Variants in PEBP4 observed in about 807,000 individuals in gnomAD.
PEBP4 encodes phosphatidylethanolamine binding protein 4.
PEBP4 carries 22 observed loss-of-function variants against 23.9 expected under a neutral mutation model. The observed-to-expected ratio is 0.92, with a 90% CI of 0.66 to 1.31. The LOEUF is 1.31. Among genes scored for constraint, PEBP4 ranks in the 40% most tolerant of loss-of-function variants. PEBP4 has a pLI of 0.00. For missense variants in PEBP4, 324 were observed against 281.7 expected (o/e 1.15, Z -1.07); for synonymous variants, 112 against 99.3 (o/e 1.13, Z -0.76).
At chr8:22,792,705 G>A (rs1304507160) in intron 4 of PEBP4, among the ~76,000 whole-genome samples, 1 of 152,128 alleles carries the variant, frequency 6.6e-6, no homozygotes, top group Non-Finnish European at 1.5e-5. Context: ...GATGTGGAAA[G>A]GAAGGACCCT....
At chr8:22,750,621 G>A (rs766407348) in intron 4 of PEBP4, among the ~76,000 whole-genome samples, 8 of 152,276 alleles carry the variant, frequency 5.3e-5, no homozygotes, top group East Asian at 3.9e-4. Context: ...GGAATATCCC[G>A]TGGGAGTTTG....
chr8:22,824,998 G>A (rs1051719333), intron 3 of PEBP4, among the ~76,000 whole-genome samples: 2 of 152,192 alleles, frequency 1.3e-5, no homozygotes, highest in African/African-American at 4.8e-5. Context: ...GTCATATCCT[G>A]AGGTTTACCC....
At chr8:22,760,826 T>C (rs1805492749) in intron 4 of PEBP4, among the ~76,000 whole-genome samples, 1 of 152,166 alleles carries the variant, frequency 6.6e-6, no homozygotes, top group Admixed American at 6.5e-5. Context: ...TCAGTCCTCG[T>C]AGGATGAACT....
At chr8:22,831,128 C>A (rs1445338323) in intron 3 of PEBP4, among the ~76,000 whole-genome samples, 6 of 152,224 alleles carry the variant, frequency 3.9e-5, no homozygotes, top group Non-Finnish European at 8.8e-5. Context: ...GTCTAGAACA[C>A]CCCATCCCTG....
chr8:22,737,934 C>T (rs375879380), intron 4 of PEBP4, among the ~76,000 whole-genome samples: 106 of 152,210 alleles, frequency 7.0e-4, no homozygotes, highest in African/African-American at 2.3e-3. Flanking sequence ...GGGAAAGGCT[C>T]GGTGGTTGCC....
intron 4 of PEBP4, among the ~76,000 whole-genome samples, chr8:22,742,256 G>A (rs929539960): frequency 6.6e-6 from 1 of 152,240 alleles, no homozygotes; most frequent in African/African-American, 2.4e-5. Flanking sequence ...GAATGCAAAC[G>A]ACAGCTGATT....
chr8:22,913,038 A>G (rs1363582078), intron 3 of PEBP4, among the ~76,000 whole-genome samples: 1 of 151,838 alleles, frequency 6.6e-6, no homozygotes, highest in Non-Finnish European at 1.5e-5. Context: ...GGAAAGTCCA[A>G]CTCTTCTTTT....
intron 3 of PEBP4, among the ~76,000 whole-genome samples, chr8:22,907,061 AAGG>A (rs1301095882): frequency 2.0e-5 from 3 of 152,166 alleles, no homozygotes; most frequent in African/African-American, 7.2e-5. Flanking sequence ...CAAAGATTTG[AAGG>A]AGAAGAAGAC....
chr8:22,842,284 C>G lies in PEBP4; in HGVS notation c.259-24549G>C, dbSNP rs746644089. On this transcript the variant is annotated intron_variant, in intron 3 of 6. Transcript: ENST00000256404. ...ATTCACAGTGGATTCTTGGGTAGATCGTGACTTTTAGGAGGGGATCCCTAA... is the reference window on the plus strand; with the variant it reads ...ATTCACAGTGGATTCTTGGGTAGATGGTGACTTTTAGGAGGGGATCCCTAA... Among the ~76,000 whole-genome samples the G allele has an allele frequency of 7.9e-5, 12 of 152,088 alleles. 1 individual carries two copies. The highest frequency in any genetic ancestry group is 5.2e-4 in the Admixed American group (8 of 15,280).
intron 3 of PEBP4, among the ~76,000 whole-genome samples, chr8:22,918,083 T>G (rs1302011172): frequency 6.6e-6 from 1 of 152,200 alleles, no homozygotes; most frequent in East Asian, 1.9e-4. Flanking sequence ...CACATGCCAT[T>G]AATAGTCTTG....
At chr8:22,909,032 C>T (rs1585337846) in intron 3 of PEBP4, among the ~76,000 whole-genome samples, 1 of 152,298 alleles carries the variant, frequency 6.6e-6, no homozygotes, top group African/African-American at 2.4e-5. Context: ...TGAACCCACC[C>T]GACCCAAATC....
intron 4 of PEBP4, among the ~76,000 whole-genome samples, chr8:22,765,527 C>T (rs1360704716): frequency 6.6e-6 from 1 of 152,202 alleles, no homozygotes; most frequent in South Asian, 2.1e-4. Flanking sequence ...CTGTAACCAC[C>T]TGGGAGGGAC....
intron 4 of PEBP4, among the ~76,000 whole-genome samples, chr8:22,742,761 G>A (rs1805023779): frequency 6.6e-6 from 1 of 152,180 alleles, no homozygotes; most frequent in Non-Finnish European, 1.5e-5. Flanking sequence ...TTGAGGCTAC[G>A]AGAGAGTCCC....
At chr8:22,808,983 G>A (rs1051926449) in intron 4 of PEBP4, among the ~76,000 whole-genome samples, 3 of 152,120 alleles carry the variant, frequency 2.0e-5, no homozygotes, top group Non-Finnish European at 4.4e-5. Flanking sequence ...TCTTTAAAGC[G>A]ATAACCACAC....
intron 4 of PEBP4, among the ~76,000 whole-genome samples, chr8:22,795,145 A>G (rs4872022): frequency 1.3e-3 from 37 of 28,010 alleles, no homozygotes; most frequent in South Asian, 0.011. Context: ...GTGTGTGTGT[A>G]TATATATATA....
chr8:22,815,338 G>A (rs185898108), intron 4 of PEBP4, among the ~76,000 whole-genome samples: 21 of 152,320 alleles, frequency 1.4e-4, no homozygotes, highest in Admixed American at 9.1e-4. Flanking sequence ...GAAGTTCTGC[G>A]GGTGGGGTAG....
At position 22,865,216 on chromosome 8, in the gene PEBP4, T is replaced by TG. The variant is rs1807861744; in HGVS notation, c.259-47482dup. On this transcript the variant is annotated intron_variant, in intron 3 of 6. Transcript: ENST00000256404. This position sits in a 1 kb window ranked among gnomAD's most constrained non-coding sequence, Gnocchi z 6.9. ...ACTCAATGCCATTTCTGAAACAGCC[T>TG]GGGGGGCGGCGGGAGGGGGAGGGAA... Among the ~76,000 whole-genome samples the TG allele has an allele frequency of 5.5e-5, 4 of 72,870 alleles. No homozygotes were observed. The Admixed American group carries it at 6.2e-4, about 11-fold the overall frequency. The allele number at this position is 72,870 out of a possible 152,430, so 47.8% of individuals were successfully genotyped here.
intron 2 of PEBP4, among the ~76,000 whole-genome samples, chr8:22,926,339 TTTGTTG>T (rs762590447): frequency 7.9e-5 from 12 of 151,894 alleles, no homozygotes; most frequent in South Asian, 4.2e-4. Context: ...TTTGTTACTT[TTTGTTG>T]TTGTTGTTGT....
chr8:22,775,544 C>CT lies in PEBP4; in HGVS notation c.357+42092dup, dbSNP rs1210315200. Reference sequence around the variant, plus strand: ...GGGGGAAGCCAGCTGGCTGTGGGCTCTATTTCTACTGACAAGGCTTTACCC... The same window carrying CT: ...GGGGGAAGCCAGCTGGCTGTGGGCTCTTATTTCTACTGACAAGGCTTTACCC... On this transcript the variant is annotated intron_variant, in intron 4 of 6. Coordinates refer to ENST00000256404, the MANE Select transcript of PEBP4 (RefSeq NM_144962.3). This position sits in a 1 kb window ranked among gnomAD's most constrained non-coding sequence, Gnocchi z 4.8. Among the ~76,000 whole-genome samples the CT allele has an allele frequency of 6.6e-6, 1 of 152,152 alleles. No homozygotes were observed. Among genetic ancestry groups the CT allele is most frequent in the African/African-American group, 2.4e-5 (1 of 41,432 alleles).
Sources: gnomAD v4.1 joint callset for allele counts (sites outside exome capture counted in the v4.1 genomes callset) on GRCh38, gnomAD v4.1.1 for gene constraint, Gnocchi (gnomAD v3.1) non-coding constraint, MANE v1.5 for transcripts, NCBI Gene and HGNC (gene_info 2026-07-23, HGNC 2026-07-21) for gene names.